Variants in NRXN1 observed in about 807,000 individuals in gnomAD.
NRXN1 encodes the protein neurexin 1.
A neutral mutation model predicts 150.9 loss-of-function variants in NRXN1; 39 were observed. The ratio of observed to expected loss-of-function variants is 0.26; its 90% CI spans 0.20 to 0.34. NRXN1 has a LOEUF of 0.34. Among genes scored for constraint, NRXN1 ranks in the 10% least tolerant of loss-of-function variants. The probability of loss-of-function intolerance (pLI) is 1.00; values close to 1 mark genes in which losing one functional copy is unlikely to be tolerated. For synonymous variants in NRXN1, 924 were observed against 757.0 expected (o/e 1.22, Z -3.62); for missense variants, 1,815 against 1,949.9 (o/e 0.93, Z 1.30).
intron 22 of NRXN1, among the ~76,000 whole-genome samples, chr2:49,923,959 A>C (rs1668650050): frequency 6.6e-6 from 1 of 152,252 alleles, no homozygotes; most frequent in Non-Finnish European, 1.5e-5. Flanking sequence ...ACAAGGTGAA[A>C]GGAGACAAAG....
chr2:50,185,340 TG>T (rs2060996849), intron 18 of NRXN1, among the ~76,000 whole-genome samples: 1 of 152,078 alleles, frequency 6.6e-6, no homozygotes, highest in Non-Finnish European at 1.5e-5. Context: ...TTAAATCTCC[TG>T]GGTTCCGTTT....
In NRXN1 at chr2:50,936,283, G is replaced by T. The variant is rs151319437; in HGVS notation, c.773-10328C>A. Among the ~76,000 whole-genome samples, 17 of 152,230 alleles carry T rather than the reference G, an allele frequency of 1.1e-4. No individual in the cohort carries two copies. In the East Asian group the frequency reaches 2.9e-3, roughly 26 times the overall value. ...CCTGGTATTAGAACAACTTGAAAGA[G>T]ATTACACAACATAATGAGATGCTTA... On this transcript the variant is annotated intron_variant, in intron 2 of 22. Transcript: ENST00000401669.
chr2:50,659,252 C>G (rs938212400), intron 5 of NRXN1, among the ~76,000 whole-genome samples: 2 of 152,008 alleles, frequency 1.3e-5, no homozygotes, highest in Non-Finnish European at 2.9e-5. Flanking sequence ...ATGCAGTAAA[C>G]TAGTTCTCAT....
intron 17 of NRXN1, among the ~76,000 whole-genome samples, chr2:50,389,095 G>A (rs750332112): frequency 1.8e-4 from 28 of 151,938 alleles, no homozygotes; most frequent in Admixed American, 3.9e-4. Context: ...TTGAGCCTGG[G>A]AGGCAGAAGC....
At chr2:50,369,186 G>C (rs879478636) in intron 17 of NRXN1, among the ~76,000 whole-genome samples, 1 of 151,764 alleles carries the variant, frequency 6.6e-6, no homozygotes, top group African/African-American at 2.4e-5. Context: ...CAGAGAAAGA[G>C]GTGAGTGGTG....
intron 21 of NRXN1, among the ~76,000 whole-genome samples, chr2:49,996,583 C>T (rs1385015066): frequency 2.6e-5 from 4 of 152,082 alleles, no homozygotes; most frequent in African/African-American, 7.2e-5. Context: ...GACAAGGGTC[C>T]TTTCAAGTGA....
At chr2:50,287,565 A>C (rs1005557132) in intron 17 of NRXN1, among the ~76,000 whole-genome samples, 4 of 152,070 alleles carry the variant, frequency 2.6e-5, no homozygotes, top group African/African-American at 9.7e-5. Context: ...AACAGAGGGA[A>C]GATGACTAAA....
At chr2:50,870,201 A>C (rs1434254807) in intron 5 of NRXN1, among the ~76,000 whole-genome samples, 1 of 151,962 alleles carries the variant, frequency 6.6e-6, no homozygotes, top group African/African-American at 2.4e-5. Context: ...CTAAATTATC[A>C]AATTTCCTAG....
At chr2:50,156,003 A>G (rs2058996039) in intron 18 of NRXN1, among the ~76,000 whole-genome samples, 1 of 151,746 alleles carries the variant, frequency 6.6e-6, no homozygotes, top group African/African-American at 2.4e-5. Flanking sequence ...TCACATGCAA[A>G]TAAATACATC....
chr2:50,233,104 T>G (rs895841198), intron 18 of NRXN1, among the ~76,000 whole-genome samples: 26 of 152,138 alleles, frequency 1.7e-4, no homozygotes, highest in African/African-American at 6.3e-4. Context: ...TAAGCCACAG[T>G]ATTTTCAATG....
intron 17 of NRXN1, among the ~76,000 whole-genome samples, chr2:50,361,291 C>CA (rs1343822357): frequency 6.6e-6 from 1 of 151,644 alleles, no homozygotes; most frequent in African/African-American, 2.4e-5. Flanking sequence ...GATAGAGACA[C>CA]AAAAAAACCT....
chr2:50,512,967 A>G (rs1304364333), intron 12 of NRXN1, among the ~76,000 whole-genome samples: 2 of 152,176 alleles, frequency 1.3e-5, no homozygotes, highest in Non-Finnish European at 2.9e-5. Context: ...TGCATGCATC[A>G]TAAGAAAAGC....
intron 18 of NRXN1, among the ~76,000 whole-genome samples, chr2:50,219,954 A>T (rs191941052): frequency 0.48 from 39,069 of 81,840 alleles, 8,673 homozygotes; most frequent in African/African-American, 0.58. Context: ...TATATATATA[A>T]TATATATATT....
intron 5 of NRXN1, among the ~76,000 whole-genome samples, chr2:50,878,040 T>G (rs983993254): frequency 2.0e-5 from 3 of 151,962 alleles, no homozygotes; most frequent in African/African-American, 4.8e-5. Flanking sequence ...GTTTGCCTGC[T>G]TGCTCCTCTG....
chr2:50,741,136 G>A (rs1180513145), intron 5 of NRXN1, among the ~76,000 whole-genome samples: 1 of 151,910 alleles, frequency 6.6e-6, no homozygotes, highest in Non-Finnish European at 1.5e-5. Flanking sequence ...GATCAAAATT[G>A]TCCTCATTAT....
chr2:50,087,208 A>G (rs910619130), intron 19 of NRXN1, among the ~76,000 whole-genome samples: 2 of 152,172 alleles, frequency 1.3e-5, no homozygotes, highest in Non-Finnish European at 2.9e-5. Context: ...CTCACATTTT[A>G]TATTTCTAAT....
At chr2:50,952,254 C>A (rs1483626683) in intron 2 of NRXN1, among the ~76,000 whole-genome samples, 1 of 151,826 alleles carries the variant, frequency 6.6e-6, no homozygotes, top group Non-Finnish European at 1.5e-5. Context: ...GCGTGAGCCA[C>A]GAATAAATAT....
chr2:50,603,114 G>A (rs1676539427), intron 8 of NRXN1, among the ~76,000 whole-genome samples: 1 of 152,162 alleles, frequency 6.6e-6, no homozygotes. Flanking sequence ...TGGACTATGA[G>A]GCAACTGCAC....
At chr2:50,857,772 T>G (rs1176617399) in intron 5 of NRXN1, among the ~76,000 whole-genome samples, 1 of 151,918 alleles carries the variant, frequency 6.6e-6, no homozygotes, top group African/African-American at 2.4e-5. Flanking sequence ...GCCTTTTAAT[T>G]TAGCATCTAA....
Sources: gnomAD v4.1 joint callset for allele counts (sites outside exome capture counted in the v4.1 genomes callset) on GRCh38, gnomAD v4.1.1 for gene constraint, MANE v1.5 for transcripts, NCBI Gene and HGNC (gene_info 2026-07-23, HGNC 2026-07-21) for gene names.